SSBP3: variants seen among roughly 807,000 people sequenced by gnomAD.
The protein encoded by SSBP3 is single-stranded DNA-binding protein 3.
Under a neutral mutation model 69.6 loss-of-function variants are expected in SSBP3, and 5 were observed. The observed-to-expected ratio is 0.07, with a 90% CI of 0.04 to 0.15. The LOEUF (loss-of-function observed/expected upper bound fraction) is 0.15. Among genes scored for constraint, SSBP3 ranks in the 10% least tolerant of loss-of-function variants. The pLI is 1.00. For missense variants in SSBP3, 312 were observed against 534.0 expected, an observed-to-expected ratio of 0.58 and a Z score of 4.10; for synonymous variants, 196 against 193.4, an observed-to-expected ratio of 1.01 and a Z score of -0.11.
chr1:54,317,456 G>A (rs1012333424), intron 4 of SSBP3, among the ~76,000 whole-genome samples: 20 of 151,902 alleles, frequency 1.3e-4, no homozygotes, highest in African/African-American at 4.8e-4. Flanking sequence ...AGGATCACCT[G>A]AGCCCAAGAG....
chr1:54,360,170 C>G (rs185986345), intron 4 of SSBP3, among the ~76,000 whole-genome samples: 24 of 152,346 alleles, frequency 1.6e-4, no homozygotes, highest in African/African-American at 5.5e-4. Context: ...CTATCTCCTT[C>G]AGTTCAACCC....
At chr1:54,297,692 G>A (rs1645726367) in intron 4 of SSBP3, among the ~76,000 whole-genome samples, 1 of 152,164 alleles carries the variant, frequency 6.6e-6, no homozygotes, top group Non-Finnish European at 1.5e-5. Context: ...CATCACCCTG[G>A]ATAATCAAAG....
At chr1:54,374,402 G>T (rs979033214) in intron 4 of SSBP3, among the ~76,000 whole-genome samples, 4 of 152,184 alleles carry the variant, frequency 2.6e-5, no homozygotes, top group African/African-American at 9.7e-5. Context: ...TCTTCAGTAA[G>T]CCCCAAAAGG....
intron 4 of SSBP3, among the ~76,000 whole-genome samples, chr1:54,388,454 C>A (rs1049186082): frequency 1.3e-5 from 2 of 152,224 alleles, no homozygotes; most frequent in African/African-American, 4.8e-5. Context: ...GGGGTAAATG[C>A]AGTAAATGGT....
At chr1:54,371,989 A>G (rs1002693378) in intron 4 of SSBP3, among the ~76,000 whole-genome samples, 3 of 152,064 alleles carry the variant, frequency 2.0e-5, no homozygotes, top group African/African-American at 7.2e-5. Flanking sequence ...CACTTTACAG[A>G]TAAGGAAACT....
chr1:54,255,208 A>G (rs905619553), intron 7 of SSBP3, among the ~76,000 whole-genome samples: 1 of 151,930 alleles, frequency 6.6e-6, no homozygotes, highest in African/African-American at 2.4e-5. Context: ...TGTGTAATAC[A>G]AAGTACAGAT....
chr1:54,351,666 C>T (rs1455311571), intron 4 of SSBP3, among the ~76,000 whole-genome samples: 13 of 152,236 alleles, frequency 8.5e-5, no homozygotes, highest in Non-Finnish European at 1.5e-5. Flanking sequence ...GTGGGATATT[C>T]ACCTAAGACA....
intron 5 of SSBP3, among the ~76,000 whole-genome samples, chr1:54,275,959 A>G (rs35364040): frequency 0.21 from 31,256 of 152,076 alleles, 3,366 homozygotes; most frequent in Non-Finnish European, 0.25. Flanking sequence ...TGTCTGGGTC[A>G]TATCTCCGGC....
At chr1:54,353,469 C>T (rs78396342) in intron 4 of SSBP3, among the ~76,000 whole-genome samples, 1,547 of 152,294 alleles carry the variant, frequency 0.01, 34 homozygotes, top group African/African-American at 0.036. Flanking sequence ...TTTCCCTTTG[C>T]TCCTCTGAGA....
At chr1:54,243,586 T>C (rs1348266240) in intron 9 of SSBP3, among the ~76,000 whole-genome samples, 2 of 152,342 alleles carry the variant, frequency 1.3e-5, no homozygotes, top group East Asian at 3.9e-4. Flanking sequence ...CGCTGCCCTC[T>C]CTGGGCTCCC....
Position 54,402,037 on chromosome 1 carries a change from G to C in SSBP3, c.192-92C>G. On this transcript the variant is annotated intron_variant, in intron 3 of 17. Transcript: ENST00000610401. Reference sequence around the variant, plus strand: ...ACGATGCATGGCGCTAACAGTACTAGGTCTCCCAAAGGCTCAATCCCACCT... The same window carrying C: ...ACGATGCATGGCGCTAACAGTACTACGTCTCCCAAAGGCTCAATCCCACCT... 3 of 1,126,954 alleles carry C rather than the reference G, an allele frequency of 2.7e-6. No homozygotes were observed. The Middle Eastern group carries it at 5.9e-4, about 223-fold the overall frequency. 69.8% of individuals were successfully genotyped at this position (1,126,954 alleles called of 1,614,324 possible). A position where few individuals can be genotyped will look rare whatever the true frequency, so the allele number is the denominator to read the frequency against.
At chr1:54,230,785 G>A (rs1644367664) in intron 14 of SSBP3, among the ~76,000 whole-genome samples, 1 of 152,118 alleles carries the variant, frequency 6.6e-6, no homozygotes, top group Non-Finnish European at 1.5e-5. Flanking sequence ...TTTTGTGGCT[G>A]GTTTCTTTCA....
intron 4 of SSBP3, among the ~76,000 whole-genome samples, chr1:54,350,333 G>GA (rs537862298): frequency 5.9e-5 from 9 of 152,222 alleles, no homozygotes; most frequent in Non-Finnish European, 4.4e-5. Flanking sequence ...GCTTCTTTTT[G>GA]AAAGTGCGGA....
chr1:54,267,439 G>T (rs1465623519), intron 5 of SSBP3, among the ~76,000 whole-genome samples: 2 of 152,226 alleles, frequency 1.3e-5, no homozygotes, highest in African/African-American at 4.8e-5. Flanking sequence ...ACTGGCCAGT[G>T]AGACCAGGGT....
chr1:54,304,218 G>A (rs1274465772), intron 4 of SSBP3, among the ~76,000 whole-genome samples: 1 of 152,202 alleles, frequency 6.6e-6, no homozygotes, highest in Non-Finnish European at 1.5e-5. Context: ...GGACAGCAGG[G>A]CAGCCTTCGA....
At chr1:54,230,042 A>G (rs1376123070) in intron 14 of SSBP3, among the ~76,000 whole-genome samples, 1 of 152,196 alleles carries the variant, frequency 6.6e-6, no homozygotes, top group Admixed American at 6.5e-5. Context: ...AAATCACTCT[A>G]AGGCAGGGGT....
chr1:54,329,110 T>G (rs1646360924), intron 4 of SSBP3, among the ~76,000 whole-genome samples: 1 of 152,164 alleles, frequency 6.6e-6, no homozygotes, highest in African/African-American at 2.4e-5. Context: ...GAAATGCATC[T>G]CCTGGACTTC....
At chr1:54,328,207 A>G (rs76042442) in intron 4 of SSBP3, among the ~76,000 whole-genome samples, 7,393 of 152,198 alleles carry the variant, frequency 0.049, 525 homozygotes, top group African/African-American at 0.15. Context: ...CGCAGCGAAC[A>G]ATGAGTCAGA....
chr1:54,340,179 T>C lies in SSBP3; in HGVS notation c.277-58652A>G, dbSNP rs987006369. 1.1e-4 allele frequency among the ~76,000 whole-genome samples: 17 copies of C among 152,208 alleles called. No homozygotes were observed. The South Asian group carries it at 1.5e-3, about 13-fold the overall frequency. On this transcript the variant is annotated intron_variant, in intron 4 of 17. Transcript: ENST00000610401. ...GTTCAGTCAATATTTACAAAATTAATTGAACAAATTAATTTTATCTCTCTT... is the reference window on the plus strand; with the variant it reads ...GTTCAGTCAATATTTACAAAATTAACTGAACAAATTAATTTTATCTCTCTT...
Sources: allele counts gnomAD v4.1 joint callset (sites outside exome capture counted in the v4.1 genomes callset), GRCh38; gene constraint gnomAD v4.1.1; transcripts MANE v1.5; gene names NCBI Gene and HGNC (gene_info 2026-07-23, HGNC 2026-07-21).